The following SPOCK3 variants were observed in gnomAD, a reference collection of about 807,000 sequenced individuals.
SPOCK3 encodes testican-3.
SPOCK3 carries 30 observed loss-of-function variants against 56.6 expected under a neutral mutation model. The ratio of observed to expected loss-of-function variants is 0.53; its 90% CI spans 0.40 to 0.72. The LOEUF (loss-of-function observed/expected upper bound fraction) is 0.72. SPOCK3 is among the 30% of genes least tolerant of loss of function. SPOCK3 has a pLI of 0.00. For synonymous variants in SPOCK3, 196 were observed against 183.3 expected, an observed-to-expected ratio of 1.07 and a Z score of -0.56; for missense variants, 527 against 530.0, an observed-to-expected ratio of 0.99 and a Z score of 0.06.
chr4:166,920,344 A>G (rs1013460409), intron 4 of SPOCK3, among the ~76,000 whole-genome samples: 1 of 152,198 alleles, frequency 6.6e-6, no homozygotes, highest in African/African-American at 2.4e-5. Flanking sequence ...ATGAAATCTG[A>G]AATTTATATG....
chr4:167,000,829 TATACC>T, intron 3 of SPOCK3, among the ~76,000 whole-genome samples: 1 of 152,318 alleles, frequency 6.6e-6, no homozygotes, highest in African/African-American at 2.4e-5. Flanking sequence ...AACTGCAATC[TATACC>T]CTTGCTTTCC....
At chr4:167,135,129 T>C (rs2150388723) in intron 2 of SPOCK3, among the ~76,000 whole-genome samples, 1 of 150,586 alleles carries the variant, frequency 6.6e-6, no homozygotes, top group African/African-American at 2.4e-5. Flanking sequence ...AATAATTACA[T>C]ATTTATATAT....
chr4:167,114,149 C>G (rs1262731695), intron 2 of SPOCK3, among the ~76,000 whole-genome samples: 1 of 151,984 alleles, frequency 6.6e-6, no homozygotes, highest in African/African-American at 2.4e-5. Context: ...CTAAAATAAA[C>G]GAGAGAGAGG....
At position 166,754,556 on chromosome 4, in the gene SPOCK3, T is replaced by G; in HGVS notation, c.883A>C (p.Ser295Arg). The G allele has an allele frequency of 6.2e-7, 1 of 1,613,612 alleles. No homozygotes were observed. Among genetic ancestry groups the G allele is most frequent in the East Asian group, 2.2e-5 (1 of 44,850 alleles). ...FFNSCDTYKD[S>R]LISNNEWCYC... ...CACCACTCATTATTAGATATTAAAC[T>G]GTCCTTGTATGTGTCACAAGAATTG... The change falls in exon 8 of 11, where the codon AGT becomes CGT. Residue 295 changes from serine to arginine, a missense_variant. Physicochemically the swap from Ser to Arg is moderately radical, Grantham distance 110. Coordinates refer to ENST00000357545, the MANE Select transcript of SPOCK3 (RefSeq NM_001040159.2).
chr4:166,939,916 CAT>C (rs1740861286), intron 4 of SPOCK3, among the ~76,000 whole-genome samples: 1 of 152,086 alleles, frequency 6.6e-6, no homozygotes, highest in African/African-American at 2.4e-5. Flanking sequence ...ACTAGAAACA[CAT>C]AAGGCAAAAA....
intron 6 of SPOCK3, among the ~76,000 whole-genome samples, chr4:166,845,919 T>C (rs1253906726): frequency 6.6e-6 from 1 of 152,166 alleles, no homozygotes; most frequent in Non-Finnish European, 1.5e-5. Context: ...CTAGAGAGTA[T>C]ACCCTGTATG....
intron 4 of SPOCK3, among the ~76,000 whole-genome samples, chr4:166,984,929 A>G (rs1033303965): frequency 2.0e-5 from 3 of 152,072 alleles, no homozygotes; most frequent in Non-Finnish European, 2.9e-5. Context: ...AGTTCCTTAC[A>G]TGGTCTTTAT....
At chr4:166,739,954 T>A (rs72695590) in intron 9 of SPOCK3, among the ~76,000 whole-genome samples, 1 of 152,126 alleles carries the variant, frequency 6.6e-6, no homozygotes, top group South Asian at 2.1e-4. Context: ...ACGCTTTCTA[T>A]GGATTAAAGG....
At chr4:167,207,052 G>C (rs750011475) in intron 2 of SPOCK3, among the ~76,000 whole-genome samples, 3 of 152,028 alleles carry the variant, frequency 2.0e-5, no homozygotes, top group Non-Finnish European at 2.9e-5. Flanking sequence ...AAACAATACT[G>C]TGTACCCTAT....
At chr4:166,750,953 C>T (rs1349568884) in intron 8 of SPOCK3, among the ~76,000 whole-genome samples, 2 of 152,102 alleles carry the variant, frequency 1.3e-5, no homozygotes, top group Non-Finnish European at 2.9e-5. Flanking sequence ...CATATGGCTG[C>T]ACAGGCTGTG....
At chr4:167,215,414 A>T (rs1735262135) in intron 2 of SPOCK3, among the ~76,000 whole-genome samples, 1 of 152,096 alleles carries the variant, frequency 6.6e-6, no homozygotes, top group Admixed American at 6.6e-5. Context: ...CATGAAAAAG[A>T]CAGGTTGCAT....
chr4:166,834,186 C>T (rs935602184), intron 6 of SPOCK3, among the ~76,000 whole-genome samples: 9 of 152,110 alleles, frequency 5.9e-5, no homozygotes, highest in Admixed American at 6.5e-5. Context: ...TGAAAGTCCA[C>T]GGAAAATAAC....
At chr4:166,981,144 C>T (rs1005126236) in intron 4 of SPOCK3, among the ~76,000 whole-genome samples, 1 of 151,896 alleles carries the variant, frequency 6.6e-6, no homozygotes, top group South Asian at 2.1e-4. Context: ...CAGCTTTCAG[C>T]CCAGAGGAGA....
At chr4:166,800,894 C>T (rs570771932) in intron 6 of SPOCK3, among the ~76,000 whole-genome samples, 5 of 152,100 alleles carry the variant, frequency 3.3e-5, no homozygotes, top group Non-Finnish European at 5.9e-5. Context: ...GAGCAACTTC[C>T]CATCATGCAT....
At chr4:167,056,016 C>G (rs1754795623) in intron 3 of SPOCK3, among the ~76,000 whole-genome samples, 1 of 152,198 alleles carries the variant, frequency 6.6e-6, no homozygotes, top group African/African-American at 2.4e-5. Context: ...GGGTCCCTGA[C>G]AGCAGACCCC....
intron 3 of SPOCK3, among the ~76,000 whole-genome samples, chr4:167,035,707 T>C (rs965995718): frequency 2.0e-5 from 3 of 152,192 alleles, no homozygotes; most frequent in East Asian, 1.9e-4. Context: ...AAACATTTCC[T>C]AGAACCCTAG....
chr4:166,991,148 T>G (rs1747738394), intron 4 of SPOCK3, among the ~76,000 whole-genome samples: 1 of 151,944 alleles, frequency 6.6e-6, no homozygotes, highest in African/African-American at 2.4e-5. Context: ...GCTTAAGTTC[T>G]AAAAAATGTT....
chr4:167,197,534 A>G (rs1241401876), intron 2 of SPOCK3, among the ~76,000 whole-genome samples: 3 of 151,712 alleles, frequency 2.0e-5, no homozygotes, highest in African/African-American at 7.3e-5. Context: ...CTAAATTTGT[A>G]CATAAATGCT....
rs1746363130 is a variant in SPOCK3, at chr4:166,979,657, G to C, written c.350+20692C>G. ...TTATCATCTTCCTACTTCACTGGTT[G>C]TTCCTTCCTGTCTCTTTTGTAGACT... is the stretch of plus-strand genomic sequence containing the variant. On this transcript the variant is annotated intron_variant, in intron 4 of 10. Transcript: ENST00000357545. Among the ~76,000 whole-genome samples, 5 of 152,206 alleles carry C rather than the reference G, an allele frequency of 3.3e-5. No homozygotes were observed. The South Asian group carries it at 1.0e-3, about 32-fold the overall frequency.
Sources: gnomAD v4.1 joint callset for allele counts (sites outside exome capture counted in the v4.1 genomes callset) on GRCh38, gnomAD v4.1.1 for gene constraint, MANE v1.5 for transcripts, NCBI Gene and HGNC (gene_info 2026-07-23, HGNC 2026-07-21) for gene names.